The following SDK1 variants were observed in gnomAD, a reference collection of about 807,000 sequenced individuals.
The protein encoded by SDK1 is sidekick cell adhesion molecule 1.
SDK1 carries 157 observed loss-of-function variants against 245.5 expected under a neutral mutation model. That is an observed-to-expected ratio of 0.64 (90% CI 0.56 to 0.73). The LOEUF (loss-of-function observed/expected upper bound fraction) is 0.73, where lower values mean the gene tolerates loss of function less well. SDK1 is among the 30% of genes least tolerant of loss of function. The pLI is 0.00. For missense variants in SDK1, 3,583 were observed against 3,002.3 expected (o/e 1.19, Z -4.52); for synonymous variants, 1,647 against 1,278.5 (o/e 1.29, Z -6.15).
intron 26 of SDK1, among the ~76,000 whole-genome samples, chr7:4,128,577 A>C (rs1421359766): frequency 2.1e-5 from 3 of 142,180 alleles, no homozygotes; most frequent in African/African-American, 5.2e-5. Context: ...CCTGGAGGAG[A>C]GCATAGAGGA....
intron 5 of SDK1, among the ~76,000 whole-genome samples, chr7:3,902,086 T>G (rs1439194641): frequency 6.6e-6 from 1 of 152,220 alleles, no homozygotes; most frequent in East Asian, 1.9e-4. Context: ...GAAGCTTTGG[T>G]GCCTTTGAGT....
chr7:3,305,394 T>A (rs1325071314), intron 1 of SDK1, among the ~76,000 whole-genome samples: 1 of 152,194 alleles, frequency 6.6e-6, no homozygotes, highest in Non-Finnish European at 1.5e-5. Context: ...TTCTCTGTCA[T>A]CCTTAGCCTG....
intron 1 of SDK1, among the ~76,000 whole-genome samples, chr7:3,404,737 T>G (rs1779004774): frequency 6.6e-6 from 1 of 152,212 alleles, no homozygotes; most frequent in Non-Finnish European, 1.5e-5. Flanking sequence ...TGTCCAGTAG[T>G]ACAATATGGG....
At chr7:4,179,295 G>A (rs1782450441) in intron 35 of SDK1, 1 of 152,214 alleles carries the variant, frequency 6.6e-6, no homozygotes, top group African/African-American at 2.4e-5. Context: ...TTCCGCTGGT[G>A]CAGATTTAGA....
chr7:3,713,397 G>A (rs1015898551), intron 4 of SDK1, among the ~76,000 whole-genome samples: 4 of 152,052 alleles, frequency 2.6e-5, no homozygotes, highest in African/African-American at 9.7e-5. Flanking sequence ...ACTAAGTAAG[G>A]ACTTCAAAAA....
intron 22 of SDK1, among the ~76,000 whole-genome samples, chr7:4,089,171 G>A (rs76793033): frequency 0.017 from 2,544 of 151,870 alleles, 60 homozygotes; most frequent in African/African-American, 0.05. Context: ...TGCGACCCTC[G>A]TGGGCATCTG....
chr7:3,386,760 G>T (rs1781619235), intron 1 of SDK1, among the ~76,000 whole-genome samples: 1 of 152,184 alleles, frequency 6.6e-6, no homozygotes, highest in African/African-American at 2.4e-5. Flanking sequence ...TTGACTTCTT[G>T]CAGGTTTTCT....
intron 42 of SDK1, among the ~76,000 whole-genome samples, chr7:4,240,239 A>C (rs749899454): frequency 6.6e-6 from 1 of 152,134 alleles, no homozygotes; most frequent in Admixed American, 6.5e-5. Context: ...TCGGACCTGC[A>C]GCTTCCGATG....
Position 3,780,608 on chromosome 7 carries a change from C to A in SDK1, c.714-40842C>A, listed in dbSNP as rs147617541. 6.0e-3 allele frequency among the ~76,000 whole-genome samples: 910 copies of A among 152,298 alleles called. 14 individuals carry two copies. The highest frequency in any genetic ancestry group is 0.02 in the African/African-American group (838 of 41,570). On this transcript the variant is annotated intron_variant, in intron 4 of 44. Transcript: ENST00000404826. ...CTGGCTAGCTTCAGAGCCCACCCAACAAGCCTGCACAGGCAGGAAGACATT... is the reference window on the plus strand; with the variant it reads ...CTGGCTAGCTTCAGAGCCCACCCAAAAAGCCTGCACAGGCAGGAAGACATT...
chr7:3,604,555 T>C (rs1309920792), intron 1 of SDK1, among the ~76,000 whole-genome samples: 1 of 151,800 alleles, frequency 6.6e-6, no homozygotes, highest in South Asian at 2.1e-4. Context: ...TTCATTGTTT[T>C]ATTTATTTTT....
At chr7:3,319,365 G>A (rs1779737613) in intron 1 of SDK1, among the ~76,000 whole-genome samples, 1 of 152,122 alleles carries the variant, frequency 6.6e-6, no homozygotes, top group Non-Finnish European at 1.5e-5. Flanking sequence ...TCTTGTAAGG[G>A]GTTGAGTGCC....
intron 5 of SDK1, among the ~76,000 whole-genome samples, chr7:3,857,132 C>A (rs1780567133): frequency 6.6e-6 from 1 of 152,046 alleles, no homozygotes; most frequent in Non-Finnish European, 1.5e-5. Context: ...GAAAACTTAT[C>A]TAAATAGAGG....
intron 1 of SDK1, among the ~76,000 whole-genome samples, chr7:3,436,137 T>G (rs913606928): frequency 6.6e-6 from 1 of 152,230 alleles, no homozygotes; most frequent in Non-Finnish European, 1.5e-5. Context: ...TAATGAACAC[T>G]GAAGACATTT....
intron 28 of SDK1, among the ~76,000 whole-genome samples, chr7:4,137,290 A>G (rs972513286): frequency 4.6e-5 from 7 of 152,322 alleles, no homozygotes; most frequent in African/African-American, 1.7e-4. Context: ...GCGAGACTCT[A>G]TCTCAAAGGC....
chr7:3,437,994 A>G (rs924829595), intron 1 of SDK1, among the ~76,000 whole-genome samples: 1 of 152,098 alleles, frequency 6.6e-6, no homozygotes, highest in Non-Finnish European at 1.5e-5. Flanking sequence ...ATCCTCTAAG[A>G]CCTGAGACAT....
At chr7:3,779,148 A>G (rs1380826949) in intron 4 of SDK1, among the ~76,000 whole-genome samples, 2 of 152,212 alleles carry the variant, frequency 1.3e-5, no homozygotes, top group African/African-American at 4.8e-5. Context: ...ATTGATGTGA[A>G]AAAATAAACA....
At chr7:4,037,873 T>C (rs748735756) in intron 17 of SDK1, among the ~76,000 whole-genome samples, 2 of 152,272 alleles carry the variant, frequency 1.3e-5, no homozygotes, top group Non-Finnish European at 2.9e-5. Context: ...TATACCTTTT[T>C]ACCATCATTG....
chr7:4,146,562 A>G (rs1317265442), intron 29 of SDK1, among the ~76,000 whole-genome samples: 1 of 152,252 alleles, frequency 6.6e-6, no homozygotes, highest in Non-Finnish European at 1.5e-5. Context: ...GGTTTAAGGA[A>G]AGCAACATTG....
At chr7:3,687,876 G>C (rs1297500276) in intron 4 of SDK1, among the ~76,000 whole-genome samples, 1 of 152,128 alleles carries the variant, frequency 6.6e-6, no homozygotes, top group Non-Finnish European at 1.5e-5. Context: ...GCAGGAACCT[G>C]GATAAAGGTA....
Sources: gnomAD v4.1 joint callset for allele counts (sites outside exome capture counted in the v4.1 genomes callset) on GRCh38, gnomAD v4.1.1 for gene constraint, MANE v1.5 for transcripts, NCBI Gene and HGNC (gene_info 2026-07-23, HGNC 2026-07-21) for gene names.